GRID1: variants seen among roughly 807,000 people sequenced by gnomAD.
GRID1 encodes the protein glutamate ionotropic receptor delta type subunit 1, also known as glutamate receptor ionotropic, delta-1.
Under a neutral mutation model 98.0 loss-of-function variants are expected in GRID1, and 28 were observed. The observed-to-expected ratio is 0.29, with a 90% CI of 0.21 to 0.39. GRID1 has a LOEUF of 0.39. Ranked by LOEUF, GRID1 falls within the 10% of genes least tolerant of loss-of-function variation. GRID1 has a pLI of 1.00. For missense variants in GRID1, 1,111 were observed against 1,340.5 expected, an observed-to-expected ratio of 0.83 and a Z score of 2.67; for synonymous variants, 553 against 538.5, an observed-to-expected ratio of 1.03 and a Z score of -0.37.
chr10:86,103,408 G>A (rs558722990), intron 4 of GRID1, among the ~76,000 whole-genome samples: 36 of 152,292 alleles, frequency 2.4e-4, no homozygotes, highest in African/African-American at 6.3e-4. Context: ...GATGAGGCCC[G>A]CAGTTCCCTG....
chr10:86,224,151 C>T (rs1846303948), intron 2 of GRID1, among the ~76,000 whole-genome samples: 1 of 152,126 alleles, frequency 6.6e-6, no homozygotes, highest in African/African-American at 2.4e-5. Context: ...GGAATCCCCA[C>T]CCTCCCAAGC....
chr10:86,331,508 T>C (rs548202609), intron 2 of GRID1, among the ~76,000 whole-genome samples: 30 of 152,220 alleles, frequency 2.0e-4, no homozygotes, highest in Admixed American at 6.5e-4. Flanking sequence ...CACAACCCCA[T>C]TGGAAGCTGG....
At chr10:86,039,169 A>C (rs1250392741) in intron 4 of GRID1, among the ~76,000 whole-genome samples, 1 of 152,182 alleles carries the variant, frequency 6.6e-6, no homozygotes, top group African/African-American at 2.4e-5. Flanking sequence ...AAAGAGAATC[A>C]GAATGCAAAT....
At chr10:86,297,705 G>A (rs894084017) in intron 2 of GRID1, among the ~76,000 whole-genome samples, 7 of 152,158 alleles carry the variant, frequency 4.6e-5, no homozygotes, top group African/African-American at 7.2e-5. Context: ...CAGTGTGTCA[G>A]GCAGCGTTGA....
At chr10:85,634,298 C>T (rs1843011833) in intron 13 of GRID1, among the ~76,000 whole-genome samples, 1 of 151,016 alleles carries the variant, frequency 6.6e-6, no homozygotes, top group Non-Finnish European at 1.5e-5. Context: ...CTCTCACACA[C>T]ACACACACAC....
chr10:85,758,903 T>C (rs1056538382), intron 8 of GRID1, among the ~76,000 whole-genome samples: 1 of 152,218 alleles, frequency 6.6e-6, no homozygotes, highest in Admixed American at 6.5e-5. Flanking sequence ...CCATTCTCAC[T>C]GCTCACTAGA....
chr10:85,996,840 A>AG (rs1246966536), intron 4 of GRID1, among the ~76,000 whole-genome samples: 1 of 151,526 alleles, frequency 6.6e-6, no homozygotes. Flanking sequence ...AAAAAAAAAA[A>AG]AAAGAAAGAA....
At chr10:85,694,601 T>TAA (rs1841373109) in intron 12 of GRID1, among the ~76,000 whole-genome samples, 3 of 102,660 alleles carry the variant, frequency 2.9e-5, no homozygotes, top group East Asian at 3.4e-4. Flanking sequence ...TATATATATA[T>TAA]AATGGAATAT....
At chr10:85,604,265 T>A (rs901054820) in intron 15 of GRID1, among the ~76,000 whole-genome samples, 9 of 152,198 alleles carry the variant, frequency 5.9e-5, no homozygotes, top group South Asian at 2.1e-4. Flanking sequence ...ATGAGACACC[T>A]GCTGTCAGTC....
At chr10:85,809,633 A>C (rs1842652926) in intron 8 of GRID1, among the ~76,000 whole-genome samples, 1 of 152,250 alleles carries the variant, frequency 6.6e-6, no homozygotes, top group African/African-American at 2.4e-5. Flanking sequence ...AAAAAGGACC[A>C]AGTAAGTAAA....
At chr10:85,741,814 C>T (rs1010610761) in intron 8 of GRID1, among the ~76,000 whole-genome samples, 5 of 152,040 alleles carry the variant, frequency 3.3e-5, no homozygotes, top group African/African-American at 7.2e-5. Context: ...CTTTCTACCT[C>T]GCTCACTACA....
At chr10:86,075,565 C>T (rs1448588959) in intron 4 of GRID1, among the ~76,000 whole-genome samples, 1 of 152,168 alleles carries the variant, frequency 6.6e-6, no homozygotes, top group Non-Finnish European at 1.5e-5. Context: ...CATAAGCCAC[C>T]CCATTTGTGG....
intron 4 of GRID1, among the ~76,000 whole-genome samples, chr10:86,018,586 T>C (rs1256372358): frequency 1.3e-5 from 2 of 152,210 alleles, no homozygotes; most frequent in Non-Finnish European, 2.9e-5. Flanking sequence ...TACATGCACG[T>C]GACTGCAGGT....
chr10:85,978,988 C>A (rs757471441), intron 4 of GRID1, among the ~76,000 whole-genome samples: 2 of 152,170 alleles, frequency 1.3e-5, no homozygotes, highest in Non-Finnish European at 2.9e-5. Context: ...TTCTCTGACT[C>A]TGCATGACTT....
intron 4 of GRID1, among the ~76,000 whole-genome samples, chr10:86,132,055 G>A (rs551020714): frequency 6.6e-6 from 1 of 152,292 alleles, no homozygotes; most frequent in Admixed American, 6.5e-5. Context: ...TGGCAATGGA[G>A]GTGTGTTCAG....
chr10:85,776,185 C>T (rs1842329398), intron 8 of GRID1, among the ~76,000 whole-genome samples: 1 of 152,072 alleles, frequency 6.6e-6, no homozygotes, highest in Non-Finnish European at 1.5e-5. Context: ...TGGTGTAAGG[C>T]CTTTGCTGCT....
In GRID1 at chr10:85,602,565, G is replaced by T. The variant is rs1375573051; in HGVS notation, c.2738C>A (p.Thr913Asn). 6.2e-7 allele frequency: 1 copy of T among 1,614,144 alleles called. No homozygotes were observed. Among genetic ancestry groups the T allele is most frequent in the South Asian group, 1.1e-5 (1 of 91,072 alleles). The change falls in exon 16 of 16, where the codon ACC (threonine) becomes AAC (asparagine). Residue 913 changes from threonine (T) to asparagine (N), a missense_variant. Thr to Asn is a moderately conservative substitution (Grantham distance 65). This residue lies in a region of GRID1 where 762 missense variants were observed against 869.1 expected (regional missense o/e 0.88). Transcript: ENST00000327946. ...LEMGGLAPTQ[T>N]LEPTREYQNT... ...CTGGTACTCCCGTGTCGGCTCCAAG[G>T]TCTGGGTGGGAGCCAGGCCCCCCAT...
intron 3 of GRID1, among the ~76,000 whole-genome samples, chr10:86,183,708 A>G (rs185772698): frequency 6.6e-6 from 1 of 152,220 alleles, no homozygotes; most frequent in African/African-American, 2.4e-5. Flanking sequence ...GGTTGTTTTC[A>G]GTTTGGGGCT....
At chr10:85,738,153 G>T (rs1841905375) in intron 8 of GRID1, among the ~76,000 whole-genome samples, 1 of 152,092 alleles carries the variant, frequency 6.6e-6, no homozygotes, top group African/African-American at 2.4e-5. Context: ...AAAGATGTGT[G>T]TACCCAATAA....
Sources: allele counts gnomAD v4.1 joint callset (sites outside exome capture counted in the v4.1 genomes callset), GRCh38; gene constraint gnomAD v4.1.1; regional missense constraint gnomAD v4.1.1; transcripts MANE v1.5; gene names NCBI Gene and HGNC (gene_info 2026-07-23, HGNC 2026-07-21).